Variants in ACP6 observed in about 807,000 individuals in gnomAD.
ACP6 encodes acid phosphatase 6, lysophosphatidic, also known as lysophosphatidic acid phosphatase type 6.
Under a neutral mutation model 48.1 loss-of-function variants are expected in ACP6, and 48 were observed. The ratio of observed to expected loss-of-function variants is 1.00; its 90% CI spans 0.79 to 1.27. The LOEUF (loss-of-function observed/expected upper bound fraction) is 1.27. Among genes scored for constraint, ACP6 ranks in the 50% most tolerant of loss-of-function variants. The pLI is 0.00. For synonymous variants in ACP6, 172 were observed against 204.2 expected (o/e 0.84, Z 1.34); for missense variants, 485 against 529.1 (o/e 0.92, Z 0.82).
At position 147,670,368 on chromosome 1, in the gene ACP6, GTAT is replaced by G. The variant is rs1661039698; in HGVS notation, c.-323_-321del. 1 of 243,314 alleles carries G rather than the reference GTAT, an allele frequency of 4.1e-6. No individual in the cohort carries two copies. Among genetic ancestry groups the G allele is most frequent in the Non-Finnish European group, 7.9e-6 (1 of 126,136 alleles). 15.1% of individuals were successfully genotyped at this position (243,314 alleles called of 1,614,324 possible). On this transcript the variant is annotated 5_prime_UTR_variant, in exon 1 of 10. Coordinates refer to ENST00000583509, the MANE Select transcript of ACP6 (RefSeq NM_016361.5). ...TTGCCCGACGAGGAACATTAAACTT[GTAT>G]TTCAAGTTTGGCCTCCAGCACTCTT...
chr1:147,631,937 C>T (rs1553207429), intron 5 of ACP6, among the ~76,000 whole-genome samples: 1 of 152,136 alleles, frequency 6.6e-6, no homozygotes, highest in Non-Finnish European at 1.5e-5. Context: ...ACTGCCAGGC[C>T]CCAGCGCCTC....
rs587666774 is a variant in ACP6, at chr1:147,659,236, G to A, written c.479+160C>T. 17 of 1,145,530 alleles carry A rather than the reference G, an allele frequency of 1.5e-5. No homozygotes were observed. The East Asian group carries it at 2.8e-4, about 19-fold the overall frequency. The allele number at this position is 1,145,530 out of a possible 1,614,324, so 71.0% of individuals were successfully genotyped here. ...TGCAATGAATGCGACCTCCAGGAAC[G>A]ACCTGTTCACCAGATCCTGTGACAT... is the stretch of plus-strand genomic sequence containing the variant. On this transcript the variant is annotated intron_variant, in intron 3 of 9. Transcript: ENST00000583509.
chr1:147,647,321 A>G lies in ACP6; in HGVS notation c.*102T>C, dbSNP rs937208468. 2.3e-5 allele frequency: 31 copies of G among 1,332,798 alleles called. No individual in the cohort carries two copies. The African/African-American group carries it at 4.1e-4, about 17-fold the overall frequency. 82.6% of individuals were successfully genotyped at this position (1,332,798 alleles called of 1,614,324 possible). On this transcript the variant is annotated 3_prime_UTR_variant, in exon 10 of 10. Transcript: ENST00000583509. ...AAATATCCTTACATTATATTAAAGT[A>G]CATTACCCCTTGCTCTCTCCTCTTC...
chr1:147,669,766 G>C, intron 1 of ACP6, 64 bp downstream of exon 1: 1 of 1,461,210 alleles, frequency 6.8e-7, no homozygotes, highest in Non-Finnish European at 9.2e-7. Context: ...GTGTGTCAGG[G>C]CGAGACTCCT....
chr1:147,644,766 G>A lies in ACP6; in HGVS notation c.*2657C>T, dbSNP rs1659562179. 1 of 152,198 alleles carries A rather than the reference G, an allele frequency of 6.6e-6. No individual in the cohort carries two copies. The highest frequency in any genetic ancestry group is 1.5e-5 in the Non-Finnish European group (1 of 68,046). The allele number at this position is 152,198 out of a possible 1,614,324, so 9.4% of individuals were successfully genotyped here. Reference sequence around the variant, plus strand: ...GGTGAATGGTGGTGTCATTTACCTAGATGGGAAAGCCTGTGGAAGGAGTAA... The same window carrying A: ...GGTGAATGGTGGTGTCATTTACCTAAATGGGAAAGCCTGTGGAAGGAGTAA... On this transcript the variant is annotated 3_prime_UTR_variant, in exon 10 of 10. Transcript: ENST00000583509.
rs182527583 is a variant in ACP6, at chr1:147,668,469, G to A, written c.219+1361C>T. ...CTAGGTCTAGGCCTACACATTCAAA[G>A]TTTTACTCTCCATTACCACTGATAA... is the stretch of plus-strand genomic sequence containing the variant. On this transcript the variant is annotated intron_variant, in intron 1 of 9. Coordinates refer to ENST00000583509, the MANE Select transcript of ACP6 (RefSeq NM_016361.5). Among the ~76,000 whole-genome samples, 703 of 151,770 alleles carry A rather than the reference G, an allele frequency of 4.6e-3. 3 individuals are homozygous for A. The highest frequency in any genetic ancestry group is 0.014 in the Middle Eastern group (4 of 294).
chr1:147,656,037 G>T (rs1393284261), intron 4 of ACP6, among the ~76,000 whole-genome samples: 1 of 152,150 alleles, frequency 6.6e-6, no homozygotes, highest in Non-Finnish European at 1.5e-5. Flanking sequence ...GATTCACTGA[G>T]GTCCATCTAC....
At chr1:147,664,236 CTG>C (rs1365738503) in intron 1 of ACP6, among the ~76,000 whole-genome samples, 1 of 152,130 alleles carries the variant, frequency 6.6e-6, no homozygotes, top group Non-Finnish European at 1.5e-5. Context: ...TCTAACCCCT[CTG>C]GATAAAAAAA....
chr1:147,644,790 A>G lies in ACP6; in HGVS notation c.*2633T>C, dbSNP rs1450276905. ...AGATGGGAAAGCCTGTGGAAGGAGT[A>G]AGTTTGAAAAGGCACGGAAATTGAG... is the stretch of plus-strand genomic sequence containing the variant. On this transcript the variant is annotated 3_prime_UTR_variant, in exon 10 of 10. Transcript: ENST00000583509. The G allele has an allele frequency of 6.6e-6, 1 of 152,212 alleles. No homozygotes were observed. Among genetic ancestry groups the G allele is most frequent in the African/African-American group, 2.4e-5 (1 of 41,432 alleles). The allele number at this position is 152,212 out of a possible 1,614,324, so 9.4% of individuals were successfully genotyped here.
chr1:147,647,642 T>C (rs991329299), intron 9 of ACP6, 76 bp from the exon 10 acceptor site: 2 of 1,528,946 alleles, frequency 1.3e-6, no homozygotes, highest in South Asian at 1.2e-5. Flanking sequence ...CCCAGAGATC[T>C]GAGAGGCTCT....
At chr1:147,663,223 C>T (rs1553213086) in intron 1 of ACP6, among the ~76,000 whole-genome samples, 2 of 151,976 alleles carry the variant, frequency 1.3e-5, no homozygotes, top group Non-Finnish European at 2.9e-5. Flanking sequence ...TCAAGGTATG[C>T]TTGTCTGTGT....
chr1:147,656,546 T>C (rs1462893012), intron 4 of ACP6, among the ~76,000 whole-genome samples: 2 of 152,136 alleles, frequency 1.3e-5, no homozygotes, highest in East Asian at 3.8e-4. Flanking sequence ...AAATAAACAG[T>C]TGAGCATAAA....
chr1:147,659,526 C>G lies in ACP6; in HGVS notation c.349G>C (p.Gly117Arg), dbSNP rs782488386. Reference sequence around the variant, plus strand: ...GTCAGCTGCCCAGCAAACATGCCCCCCTAAAGTAGGGAAGAAAGAGAAAGA... The same window carrying G: ...GTCAGCTGCCCAGCAAACATGCCCCGCTAAAGTAGGGAAGAAAGAGAAAGA... ...DSQYHETTLK[G>R]GMFAGQLTKV... Residue 117 changes from glycine to arginine, a missense_variant and splice_region_variant, in exon 3 of 10, where the codon GGG becomes CGG. Physicochemically the swap from Gly to Arg is moderately radical, Grantham distance 125. Coordinates refer to ENST00000583509, the MANE Select transcript of ACP6 (RefSeq NM_016361.5). 1.9e-6 allele frequency: 3 copies of G among 1,613,374 alleles called. No homozygotes were observed. The African/African-American group carries it at 4.0e-5, about 22-fold the overall frequency.
chr1:147,669,637 G>T (rs1235727965), intron 1 of ACP6, among the ~76,000 whole-genome samples, 193 bp downstream of exon 1: 3 of 152,230 alleles, frequency 2.0e-5, no homozygotes, highest in Admixed American at 2.0e-4. Context: ...AAGTTCCGGG[G>T]CTGTCCTAAC....
intron 6 of ACP6, 197 bp from the exon 7 acceptor site, chr1:147,652,746 A>T: frequency 2.6e-6 from 2 of 758,072 alleles, no homozygotes; most frequent in Non-Finnish European, 3.7e-6. Context: ...AGATACCTGA[A>T]GGCCAGGAAA....
intron 6 of ACP6, among the ~76,000 whole-genome samples, chr1:147,652,940 T>C (rs1482680286): frequency 6.6e-6 from 1 of 152,244 alleles, no homozygotes; most frequent in African/African-American, 2.4e-5. Flanking sequence ...CATTTTCCTG[T>C]CTCAGCCTCC....
Position 147,670,129 on chromosome 1 carries a change from G to GC in ACP6, c.-82dup. On this transcript the variant is annotated 5_prime_UTR_variant, in exon 1 of 10. It removes the in-frame stop codon of an upstream open reading frame in the 5' UTR. Transcript: ENST00000583509. ...TTCTGCGGGCGCCGGGGCTCAGCGG[G>GC]CGCCCCCAAGTCCGCGGGAACCTGC... The GC allele has an allele frequency of 7.5e-7, 1 of 1,341,152 alleles. No individual in the cohort carries two copies. The highest frequency in any genetic ancestry group is 9.9e-7 in the Non-Finnish European group (1 of 1,014,438). 83.1% of individuals were successfully genotyped at this position (1,341,152 alleles called of 1,614,324 possible).
At chr1:147,641,573 C>T (rs935942648), downstream of ACP6, among the ~76,000 whole-genome samples, 7 of 152,178 alleles carry the variant, frequency 4.6e-5, no homozygotes, top group African/African-American at 1.7e-4. Flanking sequence ...CGGGTGAGAG[C>T]CTCCTGTGGG....
downstream of ACP6, among the ~76,000 whole-genome samples, chr1:147,641,319 G>C (rs1240214776): frequency 6.6e-6 from 1 of 152,326 alleles, no homozygotes; most frequent in East Asian, 1.9e-4. Flanking sequence ...CAGGGTTTCT[G>C]TCCCCTTGCT....
Sources: gnomAD v4.1 joint callset for allele counts (sites outside exome capture counted in the v4.1 genomes callset) on GRCh38, gnomAD v4.1.1 for gene constraint, MANE v1.5 for transcripts, NCBI Gene and HGNC (gene_info 2026-07-23, HGNC 2026-07-21) for gene names.